Variants in FBXO30 observed in about 807,000 individuals in gnomAD.
FBXO30 encodes the protein F-box only protein 30.
A neutral mutation model predicts 58.1 loss-of-function variants in FBXO30; 21 were observed. The observed-to-expected ratio is 0.36, with a 90% confidence interval of 0.26 to 0.52. FBXO30 has a LOEUF of 0.52. Among genes scored for constraint, FBXO30 ranks in the 20% least tolerant of loss-of-function variants. The probability of loss-of-function intolerance (pLI) is 0.93; values close to 1 mark genes in which losing one functional copy is unlikely to be tolerated. For missense variants in FBXO30, 744 were observed against 897.3 expected (o/e 0.83, Z 2.18); for synonymous variants, 309 against 312.4 (o/e 0.99, Z 0.11).
chr6:145,803,405 T>C (rs1778066279), intron 2 of FBXO30, among the ~76,000 whole-genome samples: 1 of 152,108 alleles, frequency 6.6e-6, no homozygotes, highest in Non-Finnish European at 1.5e-5. Flanking sequence ...ACCAAGTGGA[T>C]GTAGTATTCT....
chr6:145,801,205 A>C (rs1214925006), intron 2 of FBXO30, among the ~76,000 whole-genome samples: 1 of 152,146 alleles, frequency 6.6e-6, no homozygotes, highest in Non-Finnish European at 1.5e-5. Context: ...GGACAGGCCT[A>C]GCCATGCCTG....
In FBXO30 at chr6:145,798,426, T is replaced by C. The variant is rs1275583677; in HGVS notation, c.*1680A>G. 1.3e-5 allele frequency: 2 copies of C among 152,488 alleles called. No individual in the cohort carries two copies. The highest frequency in any genetic ancestry group is 2.9e-5 in the Non-Finnish European group (2 of 67,950). The allele number at this position is 152,488 out of a possible 1,614,324, so 9.4% of individuals were successfully genotyped here. ...ATAACTATAAAACAAAAGTTAATGC[T>C]TGTGCTATCCTAACCACAGACACAT... On this transcript the variant is annotated 3_prime_UTR_variant, in exon 3 of 3. Transcript: ENST00000237281.
rs1412860193 is a variant in FBXO30, at chr6:145,795,032, T to C, written c.*5074A>G. ...TTCAATCTTTTGAATATTAACAAAT[T>C]GTTACTGTTCTTATGTCATCAGACT... On this transcript the variant is annotated 3_prime_UTR_variant, in exon 3 of 3. Transcript: ENST00000237281. The C allele has an allele frequency of 6.6e-6, 1 of 151,704 alleles. No individual in the cohort carries two copies. The highest frequency in any genetic ancestry group is 1.5e-5 in the Non-Finnish European group (1 of 67,726). 9.4% of individuals were successfully genotyped at this position (151,704 alleles called of 1,614,324 possible).
In FBXO30 at chr6:145,800,222, T is replaced by C; in HGVS notation, c.2122A>G (p.Ser708Gly). ...TCCCGTTTCTCGACAACATTGTAAC[T>C]GCATTTCTTCAAGTGGTCTGCCATG... ...LSMADHLKKC[S>G]YNVVEKREEA... The change falls in exon 3 of 3, where the codon AGT (serine) becomes GGT (glycine). Residue 708 changes from serine to glycine, a missense_variant. By Grantham distance (56) the Ser-to-Gly change is moderately conservative. Transcript: ENST00000237281. 6.2e-7 allele frequency: 1 copy of C among 1,613,122 alleles called. No homozygotes were observed. Among genetic ancestry groups the C allele is most frequent in the Non-Finnish European group, 8.5e-7 (1 of 1,179,368 alleles).
rs548414927 is a variant in FBXO30 at position 145,798,993 on chromosome 6, T to C, written c.*1113A>G. The C allele has an allele frequency of 5.3e-5, 8 of 152,120 alleles. No individual in the cohort carries two copies. In the South Asian group the frequency reaches 1.5e-3, roughly 28 times the overall value. The allele number at this position is 152,120 out of a possible 1,614,324, so 9.4% of individuals were successfully genotyped here. A position where few individuals can be genotyped will look rare whatever the true frequency, so the allele number is the denominator to read the frequency against. ...ATGGTATAAATCAATTTGAAAACTATAATAAACTACTTCAAGAATAGGTAT... is the reference window on the plus strand; with the variant it reads ...ATGGTATAAATCAATTTGAAAACTACAATAAACTACTTCAAGAATAGGTAT... On this transcript the variant is annotated 3_prime_UTR_variant, in exon 3 of 3. Transcript: ENST00000237281.
In FBXO30 at chr6:145,796,987, T is replaced by A. The variant is rs760238995; in HGVS notation, c.*3119A>T. 2 of 151,976 alleles carry A rather than the reference T, an allele frequency of 1.3e-5. No homozygotes were observed. The highest frequency in any genetic ancestry group is 4.8e-5 in the African/African-American group (2 of 41,416). 9.4% of individuals were successfully genotyped at this position (151,976 alleles called of 1,614,324 possible). A position where few individuals can be genotyped will look rare whatever the true frequency, so the allele number is the denominator to read the frequency against. ...TGTAAACAAGAGATCCAATCTTTCA[T>A]AACATCTTATTGATAGGGTTGAAAA... On this transcript the variant is annotated 3_prime_UTR_variant, in exon 3 of 3. Coordinates refer to ENST00000237281, the MANE Select transcript of FBXO30 (RefSeq NM_032145.5).
chr6:145,795,507 TTTC>T lies in FBXO30; in HGVS notation c.*4596_*4598del, dbSNP rs1777852598. The T allele has an allele frequency of 6.6e-6, 1 of 151,940 alleles. No individual in the cohort carries two copies. The highest frequency in any genetic ancestry group is 1.5e-5 in the Non-Finnish European group (1 of 67,834). 9.4% of individuals were successfully genotyped at this position (151,940 alleles called of 1,614,324 possible). On this transcript the variant is annotated 3_prime_UTR_variant, in exon 3 of 3. Transcript: ENST00000237281. ...TGTTGTCAGTTCACTTCAAAAATGT[TTTC>T]TTCATAGTAAAAGACAGATGCTTCC...
chr6:145,798,408 T>C lies in FBXO30; in HGVS notation c.*1698A>G, dbSNP rs1244049265. ...CAATGAATTTTAAAAAGCATAACTATAAAACAAAAGTTAATGCTTGTGCTA... is the reference window on the plus strand; with the variant it reads ...CAATGAATTTTAAAAAGCATAACTACAAAACAAAAGTTAATGCTTGTGCTA... On this transcript the variant is annotated 3_prime_UTR_variant, in exon 3 of 3. Coordinates refer to ENST00000237281, the MANE Select transcript of FBXO30 (RefSeq NM_032145.5). 6.6e-6 allele frequency: 1 copy of C among 152,368 alleles called. No individual in the cohort carries two copies. Among genetic ancestry groups the C allele is most frequent in the Non-Finnish European group, 1.5e-5 (1 of 67,924 alleles). The allele number at this position is 152,368 out of a possible 1,614,324, so 9.4% of individuals were successfully genotyped here. A position where few individuals can be genotyped will look rare whatever the true frequency, so the allele number is the denominator to read the frequency against.
chr6:145,814,607 C>T lies in FBXO30; in HGVS notation c.-21G>A, dbSNP rs963119240. The T allele has an allele frequency of 6.6e-6, 1 of 151,946 alleles. No homozygotes were observed. The highest frequency in any genetic ancestry group is 6.6e-5 in the Admixed American group (1 of 15,240). 9.4% of individuals were successfully genotyped at this position (151,946 alleles called of 1,614,324 possible). Reference sequence around the variant, plus strand: ...TGCGGGCCTCCCGTCACTCACCGGCCGGCGCGGCCGAACCGCGGCCCAGGC... The same window carrying T: ...TGCGGGCCTCCCGTCACTCACCGGCTGGCGCGGCCGAACCGCGGCCCAGGC... On this transcript the variant is annotated 5_prime_UTR_variant, in exon 1 of 3. Transcript: ENST00000237281.
intron 1 of FBXO30, among the ~76,000 whole-genome samples, chr6:145,808,402 T>C (rs1778243219): frequency 6.6e-6 from 1 of 152,174 alleles, no homozygotes. Context: ...TGATGACTAA[T>C]CCCTTATTTT....
chr6:145,811,171 A>T (rs1778323505), intron 1 of FBXO30, among the ~76,000 whole-genome samples: 1 of 152,170 alleles, frequency 6.6e-6, no homozygotes, highest in Admixed American at 6.5e-5. Context: ...CCTCAATTAG[A>T]GACTCATTTG....
chr6:145,806,173 T>A lies in FBXO30; in HGVS notation c.233A>T (p.Glu78Val). The A allele has an allele frequency of 6.2e-7, 1 of 1,614,138 alleles. No individual in the cohort carries two copies. The stretch of plus-strand genomic sequence containing the variant: ...ACTTGCAGGACACATTTCTAGATGT[T>A]CAGCAACTTTATTTCGGGCCATGGT... Reference protein sequence around the residue: ...PFTMARNKVAEHLEMCPASVV... With the variant: ...PFTMARNKVAVHLEMCPASVV... The change falls in exon 2 of 3, where the codon GAA becomes GTA. Residue 78 changes from glutamate (E) to valine (V), a missense_variant. Glu to Val is a moderately radical substitution (Grantham distance 121). Transcript: ENST00000237281.
chr6:145,813,812 G>A (rs1323460345), intron 1 of FBXO30, among the ~76,000 whole-genome samples: 1 of 152,140 alleles, frequency 6.6e-6, no homozygotes, highest in Non-Finnish European at 1.5e-5. Flanking sequence ...TTTTATCTGG[G>A]ACTTACAACA....
rs1004977146 is a variant in FBXO30, at chr6:145,805,642, G to A, written c.764C>T (p.Thr255Ile). 1.2e-6 allele frequency: 2 copies of A among 1,613,922 alleles called. No homozygotes were observed. The highest frequency in any genetic ancestry group is 2.7e-5 in the African/African-American group (2 of 74,920). The change falls in exon 2 of 3, where the codon ACA (threonine) becomes ATA (isoleucine). Residue 255 changes from threonine (T) to isoleucine (I), a missense_variant. Physicochemically the swap from Thr to Ile is moderately conservative, Grantham distance 89. Coordinates refer to ENST00000237281, the MANE Select transcript of FBXO30 (RefSeq NM_032145.5). ...TTGTTCAGACTGGGCATTCTGATTT[G>A]TGTCATTGTAGTCAATTCCACCTAC... The part of the protein sequence containing the change: ...GAVGGIDYND[T>I]NQNAQSEQNG...
chr6:145,809,227 A>G (rs1583200481), intron 1 of FBXO30, among the ~76,000 whole-genome samples: 2 of 152,360 alleles, frequency 1.3e-5, no homozygotes, highest in East Asian at 3.9e-4. Context: ...TTAACCAGAC[A>G]TTTAAAGAAA....
chr6:145,804,854 T>A lies in FBXO30; in HGVS notation c.1552A>T (p.Met518Leu). 6.2e-7 allele frequency: 1 copy of A among 1,613,910 alleles called. No homozygotes were observed. The highest frequency in any genetic ancestry group is 8.5e-7 in the Non-Finnish European group (1 of 1,179,902). The change falls in exon 2 of 3, where the codon ATG becomes TTG. Residue 518 changes from methionine (M) to leucine (L), a missense_variant. Physicochemically the swap from Met to Leu is conservative, Grantham distance 15. Around this residue, in one of 3 missense-constraint regions of FBXO30, gnomAD observed 334 missense variants for 433.7 expected, o/e 0.77. Transcript: ENST00000237281. ...VARYQPKQRS[M>L]FTFVCGQLFR... is the part of the protein sequence containing the mutation. Reference sequence around the variant, plus strand: ...AACTGTCCACACACAAAGGTAAACATTGAACGCTGCTTGGGTTGGTACCTA... The same window carrying A: ...AACTGTCCACACACAAAGGTAAACAATGAACGCTGCTTGGGTTGGTACCTA...
At chr6:145,801,525 C>A (rs930844553) in intron 2 of FBXO30, among the ~76,000 whole-genome samples, 6 of 151,994 alleles carry the variant, frequency 3.9e-5, no homozygotes, top group African/African-American at 1.5e-4. Context: ...AGATTGGACA[C>A]CCCTGCTTTA....
chr6:145,811,477 ATAG>A (rs1420407137), intron 1 of FBXO30, among the ~76,000 whole-genome samples: 1 of 152,218 alleles, frequency 6.6e-6, no homozygotes, highest in African/African-American at 2.4e-5. Flanking sequence ...AAAATCTTAA[ATAG>A]TAATATGAGA....
At chr6:145,800,993 T>G (rs1777980122) in intron 2 of FBXO30, among the ~76,000 whole-genome samples, 1 of 152,132 alleles carries the variant, frequency 6.6e-6, no homozygotes, top group Non-Finnish European at 1.5e-5. Flanking sequence ...CCTATTCATG[T>G]CTGTAGGTAA....
Sources: gnomAD v4.1 joint callset for allele counts (sites outside exome capture counted in the v4.1 genomes callset) on GRCh38, gnomAD v4.1.1 for gene constraint, gnomAD v4.1.1 regional missense constraint, MANE v1.5 for transcripts, NCBI Gene and HGNC (gene_info 2026-07-23, HGNC 2026-07-21) for gene names.